Variants in MRE11 observed in about 807,000 individuals in gnomAD.
MRE11 encodes MRE11 double strand break repair nuclease.
Under a neutral mutation model 91.7 loss-of-function variants are expected in MRE11, and 62 were observed. That is an observed-to-expected ratio of 0.68 (90% confidence interval 0.55 to 0.84). MRE11 has a LOEUF of 0.84. Among genes scored for constraint, MRE11 ranks in the 40% least tolerant of loss-of-function variants. The pLI, the probability that MRE11 is intolerant of heterozygous loss-of-function variation, is 0.00. For missense variants in MRE11, 796 were observed against 852.9 expected, an observed-to-expected ratio of 0.93 and a Z score of 0.83; for synonymous variants, 273 against 271.4, an observed-to-expected ratio of 1.01 and a Z score of -0.06.
At chr11:94,478,516 C>T (rs1305667980) in intron 6 of MRE11, among the ~76,000 whole-genome samples, 1 of 152,124 alleles carries the variant, frequency 6.6e-6, no homozygotes, top group African/African-American at 2.4e-5. Flanking sequence ...ATTCAGGATT[C>T]TACACCTGAG....
chr11:94,446,071 A>G (rs1945921819), intron 15 of MRE11, among the ~76,000 whole-genome samples, 178 bp from the exon 16 acceptor site: 1 of 152,254 alleles, frequency 6.6e-6, no homozygotes, highest in Non-Finnish European at 1.5e-5. Flanking sequence ...CTATTCTTTT[A>G]GGCCACACTT....
Position 94,419,210 on chromosome 11 carries a change from G to C in MRE11, c.*915C>G, listed in dbSNP as rs1269209515. On this transcript the variant is annotated 3_prime_UTR_variant, in exon 20 of 20. Coordinates refer to ENST00000323929, the MANE Select transcript of MRE11 (RefSeq NM_005591.4). ...TTTCTGGAATTGCCCATTCAGAAAT[G>C]TATCACAGGAACCAAAGTTGAGATA... 8.6e-6 allele frequency: 2 copies of C among 232,740 alleles called. No individual in the cohort carries two copies. The highest frequency in any genetic ancestry group is 1.7e-5 in the Non-Finnish European group (2 of 117,886). The allele number at this position is 232,740 out of a possible 1,614,324, so 14.4% of individuals were successfully genotyped here.
chr11:94,420,972 C>T (rs532844399), intron 19 of MRE11, among the ~76,000 whole-genome samples: 3 of 151,594 alleles, frequency 2.0e-5, no homozygotes, highest in East Asian at 1.9e-4. Context: ...GCAGAGCTTA[C>T]AGTGAGCTGA....
chr11:94,498,053 T>TC (rs556657318), upstream of MRE11: 227 of 1,536,966 alleles, frequency 1.5e-4, 2 homozygotes, highest in African/African-American at 2.8e-3. Context: ...TTGAAAGATT[T>TC]CTTTTTTTTC....
At chr11:94,466,417 T>A in intron 10 of MRE11, 1 of 498,550 alleles carries the variant, frequency 2.0e-6, no homozygotes. Context: ...CCAGCGACAG[T>A]GGGATAAAGA....
intron 5 of MRE11, 115 bp downstream of exon 5, chr11:94,479,559 T>C: frequency 1.2e-6 from 1 of 868,630 alleles, no homozygotes; most frequent in Non-Finnish European, 1.9e-6. Context: ...AAAGTCAACT[T>C]GACTTTTGAC....
intron 13 of MRE11, among the ~76,000 whole-genome samples, chr11:94,456,715 T>C (rs1321922009): frequency 2.0e-5 from 3 of 152,202 alleles, no homozygotes; most frequent in African/African-American, 7.2e-5. Flanking sequence ...ATCACTCTTG[T>C]GCACCTTGCT....
chr11:94,469,025 T>C (rs1377593025), intron 9 of MRE11, among the ~76,000 whole-genome samples: 1 of 152,122 alleles, frequency 6.6e-6, no homozygotes, highest in East Asian at 1.9e-4. Context: ...GACACTCACA[T>C]GCTTATAAAA....
chr11:94,451,521 T>A (rs1406547826), intron 14 of MRE11, among the ~76,000 whole-genome samples: 2 of 152,058 alleles, frequency 1.3e-5, no homozygotes, highest in African/African-American at 4.8e-5. Context: ...AAGAACTGCG[T>A]GCACAAAAAG....
chr11:94,470,399 T>C (rs1001711015), intron 9 of MRE11, 72 bp downstream of exon 9: 1 of 1,460,156 alleles, frequency 6.8e-7, no homozygotes, highest in Non-Finnish European at 9.6e-7. Flanking sequence ...TCTACTCTAT[T>C]AAATTACTTA....
At chr11:94,478,207 A>G (rs1181614562) in intron 6 of MRE11, among the ~76,000 whole-genome samples, 1 of 152,156 alleles carries the variant, frequency 6.6e-6, no homozygotes, top group Non-Finnish European at 1.5e-5. Flanking sequence ...AGGAAAGGCA[A>G]TTTTCTGGAG....
intron 11 of MRE11, among the ~76,000 whole-genome samples, chr11:94,462,692 T>G (rs1946452666): frequency 6.6e-6 from 1 of 152,190 alleles, no homozygotes; most frequent in South Asian, 2.1e-4. Context: ...GGATTCCCTA[T>G]TTAGTAAATG....
At chr11:94,492,591 A>T in intron 2 of MRE11, 191 bp downstream of exon 2, 1 of 985,008 alleles carries the variant, frequency 1.0e-6, no homozygotes, top group South Asian at 1.4e-5. Flanking sequence ...CTATAGCTGC[A>T]TATTAGCTTC....
chr11:94,478,807 A>T lies in MRE11; in HGVS notation c.472T>A (p.Ser158Thr), dbSNP rs200339150. ...GFVNHFGRSMSVEKIDISPVL... is the reference protein window; with the variant it reads ...GFVNHFGRSMTVEKIDISPVL... Reference sequence around the variant, plus strand: ...GGACTAATGTCTATCTTCTCCACAGACATTGAACGTCCAAAGTGATTTACA... The same window carrying T: ...GGACTAATGTCTATCTTCTCCACAGTCATTGAACGTCCAAAGTGATTTACA... The change falls in exon 6 of 20, where the codon TCT becomes ACT. Residue 158 changes from serine to threonine, a missense_variant. Coordinates refer to ENST00000323929, the MANE Select transcript of MRE11 (RefSeq NM_005591.4). 1 of 1,613,740 alleles carries T rather than the reference A, an allele frequency of 6.2e-7. No individual in the cohort carries two copies. The highest frequency in any genetic ancestry group is 8.5e-7 in the Non-Finnish European group (1 of 1,179,920).
intron 14 of MRE11, 75 bp from the exon 15 acceptor site, chr11:94,447,513 G>A (rs1247230834): frequency 2.9e-6 from 4 of 1,367,870 alleles, no homozygotes; most frequent in Non-Finnish European, 4.2e-6. Context: ...TTTAGGCATT[G>A]ACATGAACTA....
intron 9 of MRE11, among the ~76,000 whole-genome samples, chr11:94,470,061 G>C (rs980486180): frequency 1.2e-4 from 18 of 152,078 alleles, no homozygotes; most frequent in Admixed American, 9.2e-4. Flanking sequence ...GTAGCTTTCA[G>C]GGTGAAAGGG....
Position 94,447,278 on chromosome 11 carries a change from C to A in MRE11, c.1724G>T (p.Gly575Val), listed in dbSNP as rs376555330. ...ATNKGRGRGR[G>V]RRGGRGQNSA... ...ATTCTGCCCTCTTCCACCTCTTCGA[C>A]CTCTTCCTCGGCCTCTTCCTTTGTT... Residue 575 changes from glycine to valine, a missense_variant, in exon 15 of 20, where the codon GGT becomes GTT. Gly to Val is a moderately radical substitution (Grantham distance 109). Coordinates refer to ENST00000323929, the MANE Select transcript of MRE11 (RefSeq NM_005591.4). 44 of 1,613,986 alleles carry A rather than the reference C, an allele frequency of 2.7e-5. No individual in the cohort carries two copies. The highest frequency in any genetic ancestry group is 3.6e-5 in the Non-Finnish European group (43 of 1,180,022).
intron 16 of MRE11, among the ~76,000 whole-genome samples, chr11:94,443,277 G>A (rs973777605): frequency 1.3e-5 from 2 of 152,156 alleles, no homozygotes; most frequent in African/African-American, 4.8e-5. Context: ...TAGTACAGTG[G>A]TCAACTACTG....
chr11:94,430,747 C>T (rs907812041), intron 18 of MRE11, among the ~76,000 whole-genome samples: 1 of 152,078 alleles, frequency 6.6e-6, no homozygotes, highest in Non-Finnish European at 1.5e-5. Context: ...GGATTACAGG[C>T]GTGAGCCACC....
Sources: gnomAD v4.1 joint callset for allele counts (sites outside exome capture counted in the v4.1 genomes callset) on GRCh38, gnomAD v4.1.1 for gene constraint, MANE v1.5 for transcripts, NCBI Gene and HGNC (gene_info 2026-07-23, HGNC 2026-07-21) for gene names.